The following SQOR variants were observed in gnomAD, a reference collection of about 807,000 sequenced individuals.
SQOR encodes sulfide quinone oxidoreductase.
In SQOR, 39 loss-of-function variants were observed where a neutral mutation model predicts 48.6. The ratio of observed to expected loss-of-function variants is 0.80; its 90% confidence interval spans 0.62 to 1.05. The LOEUF (loss-of-function observed/expected upper bound fraction) is 1.05. Ranked by LOEUF, SQOR falls within the 50% of genes least tolerant of loss-of-function variation. SQOR has a pLI of 0.00. For synonymous variants in SQOR, 220 were observed against 206.2 expected, an observed-to-expected ratio of 1.07 and a Z score of -0.57; for missense variants, 561 against 559.9, an observed-to-expected ratio of 1.00 and a Z score of -0.02.
chr15:45,650,944 G>A (rs1889472621), intron 1 of SQOR, among the ~76,000 whole-genome samples: 1 of 152,238 alleles, frequency 6.6e-6, no homozygotes, highest in African/African-American at 2.4e-5. Flanking sequence ...GAGCCCAGCT[G>A]GCTTCACCTA....
Position 45,689,071 on chromosome 15 carries a change from C to G in SQOR, c.1149C>G (p.Thr383=). 6.2e-7 allele frequency: 1 copy of G among 1,613,962 alleles called. No individual in the cohort carries two copies. Among genetic ancestry groups the G allele is most frequent in the South Asian group, 1.1e-5 (1 of 91,060 alleles). ...GCTACACATCATGTCCACTGGTGAC[C>G]GGCTACAACCGTGTGATTCTTGCTG... is the stretch of plus-strand genomic sequence containing the variant. The part of the protein sequence containing the change: ...YDGYTSCPLV[T]GYNRVILAEF... The change falls in exon 9 of 10, where the codon ACC becomes ACG. Residue 383 remains threonine, a synonymous_variant. Coordinates refer to ENST00000260324, the MANE Select transcript of SQOR (RefSeq NM_021199.4).
intron 7 of SQOR, among the ~76,000 whole-genome samples, chr15:45,685,784 A>G (rs1890212420): frequency 6.6e-6 from 1 of 152,226 alleles, no homozygotes; most frequent in East Asian, 1.9e-4. Context: ...GTTTTCCAAA[A>G]GGGAAATATG....
chr15:45,658,871 A>C, intron 1 of SQOR, 36 bp from the exon 2 acceptor site: 1 of 1,423,610 alleles, frequency 7.0e-7, no homozygotes, highest in East Asian at 2.6e-5. Context: ...GATGGTTTCT[A>C]CCTTGGCACT....
At chr15:45,663,288 G>A (rs1304003320) in intron 3 of SQOR, among the ~76,000 whole-genome samples, 1 of 152,146 alleles carries the variant, frequency 6.6e-6, no homozygotes, top group Non-Finnish European at 1.5e-5. Context: ...AAAGTGTTGG[G>A]ATTATAGGGG....
chr15:45,642,410 T>C (rs1895120668), intron 1 of SQOR, among the ~76,000 whole-genome samples: 1 of 152,176 alleles, frequency 6.6e-6, no homozygotes. Context: ...TGTCGAGATC[T>C]CCAAATTTTT....
At chr15:45,660,786 G>C (rs532904873) in intron 2 of SQOR, among the ~76,000 whole-genome samples, 2 of 152,158 alleles carry the variant, frequency 1.3e-5, no homozygotes, top group Non-Finnish European at 2.9e-5. Context: ...ATTGCTTGTA[G>C]GGAGATTGCA....
chr15:45,676,239 G>C lies in SQOR; in HGVS notation c.793G>C (p.Glu265Gln). 1.2e-6 allele frequency: 2 copies of C among 1,614,090 alleles called. No individual in the cohort carries two copies. The highest frequency in any genetic ancestry group is 4.5e-5 in the East Asian group (2 of 44,872). The stretch of plus-strand genomic sequence containing the variant: ...TGTTAACTACAAGAAAAACCTCATT[G>C]AAGTCCGAGCCGATAAACAAGAGGC... ...LTVNYKKNLI[E>Q]VRADKQEAVF... Residue 265 changes from glutamate (E) to glutamine (Q), a missense_variant, in exon 6 of 10, where the codon GAA (glutamate) becomes CAA (glutamine). Transcript: ENST00000260324.
intron 7 of SQOR, among the ~76,000 whole-genome samples, chr15:45,686,393 C>A (rs1595511603): frequency 6.6e-6 from 1 of 152,256 alleles, no homozygotes; most frequent in East Asian, 1.9e-4. Context: ...CTCAAGTGAT[C>A]CACCCACCTC....
intron 1 of SQOR, among the ~76,000 whole-genome samples, chr15:45,640,530 A>G (rs1355301017): frequency 6.6e-6 from 1 of 152,198 alleles, no homozygotes; most frequent in African/African-American, 2.4e-5. Context: ...TGTCTCAACT[A>G]TTAAAGGATT....
chr15:45,679,557 C>T (rs537020015), intron 6 of SQOR, among the ~76,000 whole-genome samples: 30 of 152,168 alleles, frequency 2.0e-4, no homozygotes, highest in African/African-American at 6.0e-4. Flanking sequence ...AAAAATTAGC[C>T]GGGCATGGTG....
chr15:45,683,767 C>A (rs902189422), intron 7 of SQOR, among the ~76,000 whole-genome samples: 2 of 151,806 alleles, frequency 1.3e-5, no homozygotes, highest in Non-Finnish European at 1.5e-5. Flanking sequence ...TACTCATATA[C>A]CCTTCAGGTA....
chr15:45,650,347 G>C (rs972876421), intron 1 of SQOR, among the ~76,000 whole-genome samples: 1 of 152,176 alleles, frequency 6.6e-6, no homozygotes, highest in African/African-American at 2.4e-5. Context: ...AAGGCGGCGT[G>C]TCCGGAGTTT....
At chr15:45,640,519 C>T (rs898111017) in intron 1 of SQOR, among the ~76,000 whole-genome samples, 1 of 152,212 alleles carries the variant, frequency 6.6e-6, no homozygotes, top group African/African-American at 2.4e-5. Flanking sequence ...ACACCTCATT[C>T]TGTCTCAACT....
chr15:45,689,611 C>G (rs1353206458), intron 9 of SQOR, among the ~76,000 whole-genome samples: 1 of 151,770 alleles, frequency 6.6e-6, no homozygotes, highest in Non-Finnish European at 1.5e-5. Context: ...AGAGACGGGT[C>G]TCTACTAAAT....
chr15:45,636,929 G>A (rs1433558701), intron 1 of SQOR, among the ~76,000 whole-genome samples: 4 of 151,770 alleles, frequency 2.6e-5, no homozygotes, highest in African/African-American at 9.7e-5. Flanking sequence ...CTGACCCAAT[G>A]ACTTGGCTTC....
chr15:45,632,841 C>T (rs1408563467), upstream of SQOR, among the ~76,000 whole-genome samples: 1 of 152,090 alleles, frequency 6.6e-6, no homozygotes, highest in East Asian at 1.9e-4. Flanking sequence ...TGGTGGCCCA[C>T]TCCTCTAATC....
intron 1 of SQOR, among the ~76,000 whole-genome samples, chr15:45,643,308 G>A (rs1318610085): frequency 6.6e-6 from 1 of 152,158 alleles, no homozygotes; most frequent in East Asian, 1.9e-4. Flanking sequence ...CAATTCTTCT[G>A]CTTCAGTCTC....
chr15:45,689,115 A>G lies in SQOR; in HGVS notation c.1193A>G (p.Glu398Gly), dbSNP rs1566925049. The G allele has an allele frequency of 6.2e-7, 1 of 1,614,168 alleles. No homozygotes were observed. Among genetic ancestry groups the G allele is most frequent in the Non-Finnish European group, 8.5e-7 (1 of 1,180,018 alleles). The change falls in exon 9 of 10, where the codon GAG (glutamate) becomes GGG (glycine). Residue 398 changes from glutamate (E) to glycine (G), a missense_variant. Glu to Gly is a moderately conservative substitution (Grantham distance 98). Coordinates refer to ENST00000260324, the MANE Select transcript of SQOR (RefSeq NM_021199.4). ...CTTGCTGAGTTTGACTACAAAGCAG[A>G]GCCGCTAGAAACCTTCCCCTTTGAT... is the stretch of plus-strand genomic sequence containing the variant. ...VILAEFDYKA[E>G]PLETFPFDQS...
At chr15:45,644,632 A>G (rs1246034689) in intron 1 of SQOR, among the ~76,000 whole-genome samples, 1 of 152,210 alleles carries the variant, frequency 6.6e-6, no homozygotes, top group East Asian at 1.9e-4. Context: ...AACACCTCAC[A>G]TGGGGCCATA....
Sources: gnomAD v4.1 joint callset for allele counts (sites outside exome capture counted in the v4.1 genomes callset) on GRCh38, gnomAD v4.1.1 for gene constraint, MANE v1.5 for transcripts, NCBI Gene and HGNC (gene_info 2026-07-23, HGNC 2026-07-21) for gene names.